The following RREB1 variants were observed in gnomAD, a reference collection of about 807,000 sequenced individuals.
RREB1 encodes ras responsive element binding protein 1, also known as ras-responsive element-binding protein 1.
RREB1 carries 27 observed loss-of-function variants against 117.8 expected under a neutral mutation model. That is an observed-to-expected ratio of 0.23 (90% CI 0.17 to 0.32). The LOEUF (loss-of-function observed/expected upper bound fraction) is 0.32, where lower values mean the gene tolerates loss of function less well. RREB1 is among the 10% of genes least tolerant of loss of function. The pLI is 1.00. For missense variants in RREB1, 2,577 were observed against 2,378.2 expected (o/e 1.08, Z -1.74); for synonymous variants, 1,298 against 1,026.7 (o/e 1.26, Z -5.05).
intron 1 of RREB1, among the ~76,000 whole-genome samples, chr6:7,142,869 G>A (rs1013309647): frequency 2.0e-5 from 3 of 152,236 alleles, no homozygotes; most frequent in African/African-American, 7.2e-5. Flanking sequence ...TTCTTCATGG[G>A]GGGATAACTT....
Position 7,230,724 on chromosome 6 carries a change from C to T in RREB1, c.2625C>T (p.Thr875=). The T allele has an allele frequency of 6.3e-7, 1 of 1,599,676 alleles. No individual in the cohort carries two copies. The highest frequency in any genetic ancestry group is 8.5e-7 in the Non-Finnish European group (1 of 1,172,050). ...PQNGFLHRGP[T]QPPPPHVSIK... ...ACGGCTTTCTTCACAGGGGCCCCAC[C>T]CAGCCTCCACCTCCCCATGTCTCGA... Residue 875 remains threonine, a synonymous_variant, in exon 10 of 13, where the codon ACC becomes ACT. Transcript: ENST00000379938.
chr6:7,162,148 GAC>G (rs1460838386), intron 1 of RREB1, among the ~76,000 whole-genome samples: 1 of 152,032 alleles, frequency 6.6e-6, no homozygotes, highest in Non-Finnish European at 1.5e-5. Flanking sequence ...TCATGGACAA[GAC>G]ACACAAAACT....
intron 5 of RREB1, 148 bp from the exon 6 acceptor site, chr6:7,189,011 C>A: frequency 1.3e-5 from 9 of 688,438 alleles, no homozygotes; most frequent in Non-Finnish European, 2.1e-5. Flanking sequence ...ACATTTTACC[C>A]CTTCAGAAAG....
rs1561795867 is a variant in RREB1 at position 7,230,414 on chromosome 6, T to TG, written c.2316dup (p.Arg773AlafsTer68). 6.3e-7 allele frequency: 1 copy of TG among 1,591,970 alleles called. No individual in the cohort carries two copies. Among genetic ancestry groups the TG allele is most frequent in the Admixed American group, 1.7e-5 (1 of 59,432 alleles). On this transcript the variant is annotated frameshift_variant, in exon 10 of 13. Transcript: ENST00000379938. LOFTEE classifies it high-confidence loss of function. ...CACTATCGTGCCCTGCGCATCCACA[T>TG]GCGCACGCACTGCGGCCGCGGCCTG... is the stretch of plus-strand genomic sequence containing the variant.
chr6:7,156,326 C>T lies in RREB1; in HGVS notation c.-284-20329C>T, dbSNP rs186829404. ...AGGTGTAGATAATTGAGGTAAATCTCGAGTCAAATCTAAACAAAAGAAAGA... is the reference window on the plus strand; with the variant it reads ...AGGTGTAGATAATTGAGGTAAATCTTGAGTCAAATCTAAACAAAAGAAAGA... On this transcript the variant is annotated intron_variant, in intron 1 of 12. Transcript: ENST00000379938. Among the ~76,000 whole-genome samples, 6 of 152,072 alleles carry T rather than the reference C, an allele frequency of 3.9e-5. No individual in the cohort carries two copies. In the South Asian group the frequency reaches 6.2e-4, roughly 16 times the overall value.
chr6:7,189,188 C>T lies in RREB1; in HGVS notation c.291C>T (p.His97=), dbSNP rs781583976. The change falls in exon 6 of 13, where the codon CAC becomes CAT. Residue 97 remains histidine, a synonymous_variant. Transcript: ENST00000379938. ...QHNTDTGGAD[H]SCSICGKSLS... The stretch of plus-strand genomic sequence containing the variant: ...ACACAGACACTGGAGGAGCCGACCA[C>T]TCATGCAGCATCTGCGGAAAGTCAC... 40 of 1,613,686 alleles carry T rather than the reference C, an allele frequency of 2.5e-5. No individual in the cohort carries two copies. The South Asian group carries it at 4.0e-4, about 16-fold the overall frequency.
At chr6:7,242,508 A>G (rs1014037197) in intron 11 of RREB1, among the ~76,000 whole-genome samples, 2 of 152,248 alleles carry the variant, frequency 1.3e-5, no homozygotes, top group Non-Finnish European at 2.9e-5. Flanking sequence ...TTGTGGTCAC[A>G]GTCCATGGTG....
intron 1 of RREB1, among the ~76,000 whole-genome samples, chr6:7,147,596 G>C (rs183401677): frequency 3.0e-4 from 46 of 152,270 alleles, no homozygotes; most frequent in Non-Finnish European, 1.5e-5. Context: ...ACAGTTAATT[G>C]TACCATCCAT....
At position 7,230,871 on chromosome 6, in the gene RREB1, C is replaced by G; in HGVS notation, c.2772C>G (p.Ser924=). ...ACATCTCCTTTCTGAGCCCTTCTTCCCTGGTCCCCTATGACTGCTCCATGG... is the reference window on the plus strand; with the variant it reads ...ACATCTCCTTTCTGAGCCCTTCTTCGCTGGTCCCCTATGACTGCTCCATGG... ...QENISFLSPS[S]LVPYDCSMEP... is the part of the protein sequence containing the mutation. The change falls in exon 10 of 13, where the codon TCC becomes TCG. Residue 924 remains serine, a synonymous_variant. Coordinates refer to ENST00000379938, the MANE Select transcript of RREB1 (RefSeq NM_001003699.4). The G allele has an allele frequency of 6.2e-7, 1 of 1,614,230 alleles. No individual in the cohort carries two copies. Among genetic ancestry groups the G allele is most frequent in the East Asian group, 2.2e-5 (1 of 44,882 alleles).
In RREB1 at chr6:7,174,685, T is replaced by C. The variant is rs569514426; in HGVS notation, c.-284-1970T>C. 1.9e-3 allele frequency among the ~76,000 whole-genome samples: 286 copies of C among 152,318 alleles called. 2 individuals carry two copies. Among genetic ancestry groups the C allele is most frequent in the African/African-American group, 6.6e-3 (273 of 41,572 alleles). The stretch of plus-strand genomic sequence containing the variant: ...GTGCAGAGGCACAATCTCAGCTCAC[T>C]GCAACCTCCGCCTTCCGGGTTCAAG... On this transcript the variant is annotated intron_variant, in intron 1 of 12. Coordinates refer to ENST00000379938, the MANE Select transcript of RREB1 (RefSeq NM_001003699.4).
At chr6:7,226,199 C>G (rs1304379455) in intron 8 of RREB1, among the ~76,000 whole-genome samples, 2 of 152,166 alleles carry the variant, frequency 1.3e-5, no homozygotes, top group African/African-American at 2.4e-5. Flanking sequence ...TTCTTGTGCT[C>G]AGACTGTGGG....
At chr6:7,209,218 A>G (rs1020700947) in intron 6 of RREB1, among the ~76,000 whole-genome samples, 2 of 152,216 alleles carry the variant, frequency 1.3e-5, no homozygotes, top group African/African-American at 2.4e-5. Flanking sequence ...TCTAATTTTT[A>G]ATATTCTCAT....
At chr6:7,126,907 T>C (rs1250150158) in intron 1 of RREB1, among the ~76,000 whole-genome samples, 1 of 151,910 alleles carries the variant, frequency 6.6e-6, no homozygotes, top group East Asian at 1.9e-4. Flanking sequence ...CAAGGACAAG[T>C]GGAGGGGCCT....
intron 1 of RREB1, among the ~76,000 whole-genome samples, chr6:7,143,208 C>T (rs146210572): frequency 6.6e-6 from 1 of 152,308 alleles, no homozygotes; most frequent in African/African-American, 2.4e-5. Context: ...ATTGTGGTTC[C>T]TATGCTAGCC....
In RREB1 at chr6:7,231,526, G is replaced by C. The variant is rs778437778; in HGVS notation, c.3427G>C (p.Glu1143Gln). ...CAGCCCAGAGGCTGCCTCTCCCACC[G>C]AGCAGGGCCCAGCGGGCACGTCGAA... ...ASSPEAASPT[E>Q]QGPAGTSKKR... Residue 1143 changes from glutamate to glutamine, a missense_variant, in exon 10 of 13, where the codon GAG becomes CAG. Transcript: ENST00000379938. 4 of 1,609,104 alleles carry C rather than the reference G, an allele frequency of 2.5e-6. No individual in the cohort carries two copies. The African/African-American group carries it at 4.0e-5, about 16-fold the overall frequency.
chr6:7,169,986 A>G (rs1398878571), intron 1 of RREB1, among the ~76,000 whole-genome samples: 1 of 152,186 alleles, frequency 6.6e-6, no homozygotes, highest in African/African-American at 2.4e-5. Flanking sequence ...TTAAATGTCC[A>G]AGTGATTTTT....
intron 3 of RREB1, 178 bp from the exon 4 acceptor site, chr6:7,181,692 A>T: frequency 1.6e-6 from 1 of 634,766 alleles, no homozygotes; most frequent in South Asian, 1.9e-5. Context: ...GTATGCCAAG[A>T]CTTGGTTTAA....
chr6:7,122,314 G>A (rs1761715568), intron 1 of RREB1, among the ~76,000 whole-genome samples: 1 of 152,018 alleles, frequency 6.6e-6, no homozygotes, highest in South Asian at 2.1e-4. Context: ...CACCCATACT[G>A]GAGTCCAGTG....
At chr6:7,181,335 T>G in intron 3 of RREB1, 89 bp downstream of exon 3, 2 of 400,448 alleles carry the variant, frequency 5.0e-6, no homozygotes, top group Non-Finnish European at 8.8e-6. Flanking sequence ...CAGGCTTTGA[T>G]ATGTCAATTT....
Sources: allele counts gnomAD v4.1 joint callset (sites outside exome capture counted in the v4.1 genomes callset), GRCh38; gene constraint gnomAD v4.1.1; transcripts MANE v1.5; gene names NCBI Gene and HGNC (gene_info 2026-07-23, HGNC 2026-07-21).